GALNT5: variants seen among roughly 807,000 people sequenced by gnomAD.
The protein encoded by GALNT5 is polypeptide N-acetylgalactosaminyltransferase 5, also known as UDP-GalNAc:polypeptide N-acetylgalactosaminyltransferase 5.
Under a neutral mutation model 85.4 loss-of-function variants are expected in GALNT5, and 72 were observed. The ratio of observed to expected loss-of-function variants is 0.84; its 90% CI spans 0.70 to 1.03. The LOEUF is 1.03. Ranked by LOEUF, GALNT5 falls within the 50% of genes least tolerant of loss-of-function variation. GALNT5 has a pLI of 0.00. For missense variants in GALNT5, 1,137 were observed against 1,135.5 expected (o/e 1.00, Z -0.02); for synonymous variants, 404 against 397.0 (o/e 1.02, Z -0.21).
intron 1 of GALNT5, among the ~76,000 whole-genome samples, chr2:157,281,540 T>C (rs1015630200): frequency 2.0e-5 from 3 of 152,040 alleles, no homozygotes; most frequent in African/African-American, 7.2e-5. Context: ...AGCGGCACAG[T>C]AGAGAAAGCT....
At chr2:157,284,259 G>C in intron 1 of GALNT5, 23 bp from the exon 2 acceptor site, 1 of 1,609,764 alleles carries the variant, frequency 6.2e-7, no homozygotes, top group Non-Finnish European at 8.5e-7. Flanking sequence ...CATCTCTTGT[G>C]CTCTGCTTAT....
chr2:157,310,353 T>G (rs1683543410), intron 9 of GALNT5, among the ~76,000 whole-genome samples: 1 of 152,170 alleles, frequency 6.6e-6, no homozygotes, highest in East Asian at 1.9e-4. Context: ...TCTCCCATTA[T>G]ATGTAAGTCT....
chr2:157,289,602 G>C (rs1683051114), intron 3 of GALNT5, among the ~76,000 whole-genome samples: 1 of 152,138 alleles, frequency 6.6e-6, no homozygotes, highest in Non-Finnish European at 1.5e-5. Context: ...CCAGCTAGGT[G>C]TATCTTAATT....
At chr2:157,283,825 A>C (rs920257595) in intron 1 of GALNT5, among the ~76,000 whole-genome samples, 1 of 152,162 alleles carries the variant, frequency 6.6e-6, no homozygotes, top group African/African-American at 2.4e-5. Flanking sequence ...AGGCTACAAA[A>C]CTCTATTGAA....
At chr2:157,304,869 A>T (rs557994477) in intron 7 of GALNT5, among the ~76,000 whole-genome samples, 1 of 152,284 alleles carries the variant, frequency 6.6e-6, no homozygotes, top group South Asian at 2.1e-4. Flanking sequence ...TCAGTGCAGC[A>T]CCCTGAGTTA....
rs1415283859 is a variant in GALNT5, at chr2:157,318,152, T to TA, written c.*6804_*6805insA. Reference sequence around the variant, plus strand: ...CTGGTGCTTTATCCTTCTCCATAATTCTCTATTATTACTTATTTTAAATGT... The same window carrying TA: ...CTGGTGCTTTATCCTTCTCCATAATTACTCTATTATTACTTATTTTAAATGT... On this transcript the variant is annotated 3_prime_UTR_variant, in exon 10 of 10. Transcript: ENST00000259056. Among the ~76,000 whole-genome samples, 79 of 152,262 alleles carry TA rather than the reference T, an allele frequency of 5.2e-4. 4 individuals carry two copies. In the East Asian group the frequency reaches 0.014, roughly 28 times the overall value.
At position 157,296,451 on chromosome 2, in the gene GALNT5, T is replaced by C. The variant is rs747107916; in HGVS notation, c.1935T>C (p.Gly645=). 5 of 1,607,174 alleles carry C rather than the reference T, an allele frequency of 3.1e-6. No individual in the cohort carries two copies. Among genetic ancestry groups the C allele is most frequent in the East Asian group, 4.5e-5 (2 of 44,776 alleles). ...TCTTTGTGTGGCCCATGAACTTTGG[T>C]TGGAGAACAATTCCTCCAGATGTCA... is the stretch of plus-strand genomic sequence containing the variant. The part of the protein sequence containing the change: ...RGIFVWPMNF[G]WRTIPPDVIA... Residue 645 remains glycine (G), a synonymous_variant, in exon 5 of 10, where the codon GGT becomes GGC. Transcript: ENST00000259056.
rs1683649633 is a variant in GALNT5, at chr2:157,314,369, G to A, written c.*3021G>A. On this transcript the variant is annotated 3_prime_UTR_variant, in exon 10 of 10. Coordinates refer to ENST00000259056, the MANE Select transcript of GALNT5 (RefSeq NM_014568.3). Reference sequence around the variant, plus strand: ...TTCTCCTTTTCAACAGTTACCCAGCGCTTCTGCCCTACTCTCTTGTAAGCT... The same window carrying A: ...TTCTCCTTTTCAACAGTTACCCAGCACTTCTGCCCTACTCTCTTGTAAGCT... Among the ~76,000 whole-genome samples, 2 of 152,152 alleles carry A rather than the reference G, an allele frequency of 1.3e-5. No homozygotes were observed. The highest frequency in any genetic ancestry group is 1.9e-4 in the East Asian group (1 of 5,184).
At chr2:157,290,112 TACATACACAAACAC>T (rs1683068491) in intron 3 of GALNT5, among the ~76,000 whole-genome samples, 5 of 138,242 alleles carry the variant, frequency 3.6e-5, no homozygotes, top group African/African-American at 1.5e-4. Context: ...TATATATATA[TACATACACAAACAC>T]ATATATACAT....
intron 5 of GALNT5, among the ~76,000 whole-genome samples, chr2:157,297,744 T>C (rs1683245495): frequency 6.6e-6 from 1 of 152,208 alleles, no homozygotes. Flanking sequence ...GAGATCACTG[T>C]ATACCCTAAG....
At chr2:157,303,291 T>C (rs1683378906) in intron 7 of GALNT5, among the ~76,000 whole-genome samples, 1 of 152,218 alleles carries the variant, frequency 6.6e-6, no homozygotes, top group Non-Finnish European at 1.5e-5. Context: ...TGGTTTTTTG[T>C]AATAAGAAGA....
chr2:157,281,617 AAAG>A (rs1682856773), intron 1 of GALNT5, among the ~76,000 whole-genome samples: 1 of 133,588 alleles, frequency 7.5e-6, no homozygotes, highest in African/African-American at 4.1e-5. Flanking sequence ...AGAAAAAAAG[AAAG>A]AAAGAAAGAA....
At chr2:157,290,483 G>C (rs1212067301) in intron 3 of GALNT5, among the ~76,000 whole-genome samples, 3 of 152,044 alleles carry the variant, frequency 2.0e-5, no homozygotes, top group Non-Finnish European at 4.4e-5. Flanking sequence ...AGGCGTGGTG[G>C]GTCCTCTCAA....
At chr2:157,307,964 A>G (rs182505514) in intron 8 of GALNT5, among the ~76,000 whole-genome samples, 1 of 152,338 alleles carries the variant, frequency 6.6e-6, no homozygotes, top group Admixed American at 6.5e-5. Context: ...AGCAGTTTCT[A>G]TGAACTGGGG....
At chr2:157,275,159 G>A (rs936812770) in intron 1 of GALNT5, among the ~76,000 whole-genome samples, 8 of 152,150 alleles carry the variant, frequency 5.3e-5, no homozygotes, top group Non-Finnish European at 1.2e-4. Flanking sequence ...TGTTATTTCT[G>A]AGGCCTCTGT....
chr2:157,273,763 C>T (rs1682651757), intron 1 of GALNT5, among the ~76,000 whole-genome samples: 1 of 150,682 alleles, frequency 6.6e-6, no homozygotes, highest in Non-Finnish European at 1.5e-5. Context: ...CTACCTCAGC[C>T]TTCCAGGTAG....
In GALNT5 at chr2:157,314,727, G is replaced by C. The variant is rs761027539; in HGVS notation, c.*3379G>C. On this transcript the variant is annotated 3_prime_UTR_variant, in exon 10 of 10. Coordinates refer to ENST00000259056, the MANE Select transcript of GALNT5 (RefSeq NM_014568.3). ...GAATAAGATTGAAACATGCCAGAGA[G>C]TACCATCTTTCTTTGTTTTAACATC... Among the ~76,000 whole-genome samples, 1 of 152,094 alleles carries C rather than the reference G, an allele frequency of 6.6e-6. No homozygotes were observed. The highest frequency in any genetic ancestry group is 1.5e-5 in the Non-Finnish European group (1 of 68,012).
chr2:157,259,029 AT>A lies in GALNT5; in HGVS notation c.950del (p.Phe317SerfsTer7), dbSNP rs1247160382. On this transcript the variant is annotated frameshift_variant, in exon 1 of 10. Coordinates refer to ENST00000259056, the MANE Select transcript of GALNT5 (RefSeq NM_014568.3). LOFTEE classifies it high-confidence loss of function. ...GARGAHGKKL[N>X]FSESHLVIIT... ...AGAGGGGCTCATGGGAAGAAACTCA[AT>A]TTCTCTGAAAGCCATCTTGTGATTA... 6.8e-7 allele frequency: 1 copy of A among 1,474,224 alleles called. No individual in the cohort carries two copies. The highest frequency in any genetic ancestry group is 9.0e-7 in the Non-Finnish European group (1 of 1,110,584). The allele number at this position is 1,474,224 out of a possible 1,614,324, so 91.3% of individuals were successfully genotyped here.
chr2:157,317,194 ATATATT>A lies in GALNT5; in HGVS notation c.*5848_*5853del, dbSNP rs1298160734. Among the ~76,000 whole-genome samples the A allele has an allele frequency of 9.8e-5, 13 of 132,824 alleles. No homozygotes were observed. The highest frequency in any genetic ancestry group is 3.7e-4 in the Admixed American group (5 of 13,506). 87.1% of individuals were successfully genotyped at this position (132,824 alleles called of 152,430 possible). On this transcript the variant is annotated 3_prime_UTR_variant, in exon 10 of 10. Transcript: ENST00000259056. ...TGTGTGTATATATATATATATATAT[ATATATT>A]TTTTTTTTTGATGCTTTGATCTGGA...
Sources: allele counts gnomAD v4.1 joint callset (sites outside exome capture counted in the v4.1 genomes callset), GRCh38; gene constraint gnomAD v4.1.1; transcripts MANE v1.5; gene names NCBI Gene and HGNC (gene_info 2026-07-23, HGNC 2026-07-21).